The following CLDN16 variants were observed in gnomAD, a reference collection of about 807,000 sequenced individuals.
CLDN16 encodes claudin-16.
In CLDN16, 13 loss-of-function variants were observed where a neutral mutation model predicts 24.6. The observed-to-expected ratio is 0.53, with a 90% CI of 0.34 to 0.84. The LOEUF is 0.84. Among genes scored for constraint, CLDN16 ranks in the 40% least tolerant of loss-of-function variants. CLDN16 has a pLI of 0.01. For missense variants in CLDN16, 298 were observed against 292.7 expected (o/e 1.02, Z -0.13); for synonymous variants, 116 against 106.7 (o/e 1.09, Z -0.54).
At chr3:190,331,992 TG>T (rs971345157) in intron 1 of CLDN16, among the ~76,000 whole-genome samples, 43 of 39,428 alleles carry the variant, frequency 1.1e-3, no homozygotes, top group Non-Finnish European at 2.1e-4. Context: ...GCCATTTCTC[TG>T]GTTCACTCTC....
At chr3:190,355,501 T>G (rs1452861401) in intron 1 of CLDN16, among the ~76,000 whole-genome samples, 1 of 151,894 alleles carries the variant, frequency 6.6e-6, no homozygotes, top group Non-Finnish European at 1.5e-5. Flanking sequence ...AGAAATAATT[T>G]TGTAGAATGA....
intron 1 of CLDN16, among the ~76,000 whole-genome samples, chr3:190,363,556 G>GTATATATATATATATATA (rs1221514630): frequency 1.9e-4 from 17 of 87,372 alleles, no homozygotes; most frequent in South Asian, 3.8e-4. Flanking sequence ...GTGTGTGTGT[G>GTATATATATATATATATA]TATATATATA....
intron 1 of CLDN16, among the ~76,000 whole-genome samples, chr3:190,349,031 G>A (rs1306026099): frequency 6.6e-6 from 1 of 152,210 alleles, no homozygotes; most frequent in Non-Finnish European, 1.5e-5. Context: ...ATACCAGCGT[G>A]TATATGTACC....
intron 3 of CLDN16, among the ~76,000 whole-genome samples, chr3:190,405,287 G>T (rs1474688722): frequency 6.6e-6 from 1 of 151,886 alleles, no homozygotes; most frequent in African/African-American, 2.4e-5. Flanking sequence ...ATCCAGGCAT[G>T]GTGGTGCACA....
the CLDN16 span, among the ~76,000 whole-genome samples, chr3:190,292,840 C>A: frequency 5.9e-5 from 9 of 152,096 alleles, no homozygotes; most frequent in Non-Finnish European, 1.0e-4. Flanking sequence ...CTTCATTGTC[C>A]ACATCACTAT....
intron 3 of CLDN16, among the ~76,000 whole-genome samples, chr3:190,406,739 C>CTT (rs35773061): frequency 6.2e-4 from 67 of 107,416 alleles, no homozygotes; most frequent in East Asian, 1.2e-3. Flanking sequence ...TATTATCTGG[C>CTT]TTTTTTTTTT....
chr3:190,318,708 G>C (rs910975167), upstream of CLDN16, among the ~76,000 whole-genome samples: 6 of 152,180 alleles, frequency 3.9e-5, no homozygotes, highest in Admixed American at 3.9e-4. Flanking sequence ...AAGTATATCT[G>C]AACACCAATG....
chr3:190,371,160 G>C (rs1032673866), intron 2 of CLDN16, among the ~76,000 whole-genome samples: 4 of 149,364 alleles, frequency 2.7e-5, no homozygotes, highest in Admixed American at 6.7e-5. Context: ...TATTAGTTCT[G>C]TTCCTTGCAG....
intron 1 of CLDN16, among the ~76,000 whole-genome samples, chr3:190,338,760 C>T (rs1447995509): frequency 6.6e-6 from 1 of 152,184 alleles, no homozygotes; most frequent in African/African-American, 2.4e-5. Context: ...TTGAGACCAA[C>T]TCAAATTCTG....
At chr3:190,320,073 T>TG (rs3836453), upstream of CLDN16, among the ~76,000 whole-genome samples, 19,530 of 151,902 alleles carry the variant, frequency 0.13, 1,377 homozygotes, top group Middle Eastern at 0.21. Context: ...AAAGTGTGTG[T>TG]GGGGGGGTAG....
the CLDN16 span, among the ~76,000 whole-genome samples, chr3:190,316,031 T>C: frequency 4.6e-5 from 7 of 152,352 alleles, no homozygotes; most frequent in South Asian, 1.5e-3. Flanking sequence ...GTCAAATCTA[T>C]CTTGCCACTT....
At chr3:190,299,393 C>T in the CLDN16 span, among the ~76,000 whole-genome samples, 1 of 151,610 alleles carries the variant, frequency 6.6e-6, no homozygotes, top group East Asian at 1.9e-4. Context: ...TTTGGATTGC[C>T]CCTTCTGATG....
intron 1 of CLDN16, among the ~76,000 whole-genome samples, chr3:190,323,373 G>A (rs1214466114): frequency 2.0e-5 from 3 of 152,164 alleles, no homozygotes; most frequent in Non-Finnish European, 4.4e-5. Flanking sequence ...CTGGAGTTGA[G>A]GAAGTCTGGG....
the CLDN16 span, among the ~76,000 whole-genome samples, chr3:190,290,971 A>G: frequency 6.6e-6 from 1 of 152,180 alleles, no homozygotes; most frequent in East Asian, 1.9e-4. Context: ...AAAAACAAGT[A>G]GGATGTTAGA....
upstream of CLDN16, among the ~76,000 whole-genome samples, chr3:190,385,421 T>G (rs1257181302): frequency 2.0e-5 from 3 of 152,154 alleles, no homozygotes; most frequent in Non-Finnish European, 4.4e-5. Context: ...TCACAGAAAT[T>G]CACATGCAAG....
chr3:190,409,326 A>ATGTATGTATATATGCACACATGTG (rs1560100229), intron 4 of CLDN16, among the ~76,000 whole-genome samples: 2 of 152,006 alleles, frequency 1.3e-5, no homozygotes, highest in African/African-American at 4.8e-5. Context: ...GCACACATGT[A>ATGTATGTATATATGCACACATGTG]TATGTATATT....
chr3:190,292,915 G>A, the CLDN16 span, among the ~76,000 whole-genome samples: 1 of 152,210 alleles, frequency 6.6e-6, no homozygotes, highest in African/African-American at 2.4e-5. Context: ...ACATCTTCCT[G>A]TTTTCTTCTG....
At chr3:190,386,092 C>T (rs1051040866), upstream of CLDN16, among the ~76,000 whole-genome samples, 1 of 152,076 alleles carries the variant, frequency 6.6e-6, no homozygotes, top group Non-Finnish European at 1.5e-5. Flanking sequence ...GCAACAAGTC[C>T]AGGACTTTTC....
chr3:190,295,295 C>G, the CLDN16 span, among the ~76,000 whole-genome samples: 1 of 151,960 alleles, frequency 6.6e-6, no homozygotes, highest in African/African-American at 2.4e-5. Flanking sequence ...GCAATAAACT[C>G]AGAGAAAAAA....
Sources: allele counts gnomAD v4.1 joint callset (sites outside exome capture counted in the v4.1 genomes callset), GRCh38; gene constraint gnomAD v4.1.1; transcripts MANE v1.5; gene names NCBI Gene and HGNC (gene_info 2026-07-23, HGNC 2026-07-21).